DNAH8: variants seen among roughly 807,000 people sequenced by gnomAD.
DNAH8 encodes dynein axonemal heavy chain 8, also known as axonemal beta dynein heavy chain 8.
DNAH8 carries 382 observed loss-of-function variants against 562.1 expected under a neutral mutation model. The observed-to-expected ratio is 0.68, with a 90% CI of 0.63 to 0.74. The LOEUF (loss-of-function observed/expected upper bound fraction) is 0.74, where lower values mean the gene tolerates loss of function less well. DNAH8 is among the 30% of genes least tolerant of loss of function. The pLI is 0.00. For synonymous variants in DNAH8, 1,881 were observed against 1,919.4 expected (o/e 0.98, Z 0.52); for missense variants, 5,203 against 5,620.4 (o/e 0.93, Z 2.37).
rs1392017711 is a variant in DNAH8 at position 38,848,110 on chromosome 6, C to T, written c.5046-538C>T. Among the ~76,000 whole-genome samples the T allele has an allele frequency of 2.0e-5, 3 of 152,228 alleles. No individual in the cohort carries two copies. The East Asian group carries it at 5.8e-4, about 29-fold the overall frequency. ...CCAGGTGAACCTGGTGATACCTAAC[C>T]CTCTCCTGATCTTTAGGGATCTGAT... On this transcript the variant is annotated intron_variant, in intron 36 of 92. Coordinates refer to ENST00000327475, the MANE Select transcript of DNAH8 (RefSeq NM_001206927.2).
intron 88 of DNAH8, among the ~76,000 whole-genome samples, chr6:38,999,513 T>C (rs1317268318): frequency 6.6e-6 from 1 of 151,944 alleles, no homozygotes; most frequent in African/African-American, 2.4e-5. Flanking sequence ...TCTGCATTGA[T>C]AAAATAATAA....
intron 60 of DNAH8, among the ~76,000 whole-genome samples, chr6:38,896,604 AAC>A (rs1779710276): frequency 1.3e-5 from 2 of 151,724 alleles, no homozygotes; most frequent in South Asian, 2.1e-4. Context: ...CAAACAAACA[AAC>A]AAAAAAACAA....
Position 38,984,251 on chromosome 6 carries a change from T to TA in DNAH8, c.12998dup (p.Tyr4333Ter), listed in dbSNP as rs759977464. The TA allele has an allele frequency of 6.2e-7, 1 of 1,610,698 alleles. No individual in the cohort carries two copies. The highest frequency in any genetic ancestry group is 2.2e-5 in the East Asian group (1 of 44,842). Residue 4333 changes from tyrosine to a stop codon, truncating the protein, a stop_gained and frameshift_variant, in exon 87 of 93, where the codon TAT (tyrosine) becomes TAAT (stop). Transcript: ENST00000327475. LOFTEE classifies it high-confidence loss of function. ...TCGGTACATGATCGGAGAAGTACAA[T>TA]ATGGAGGCAGAGTGACAGATGACTT... ...TVRYMIGEVQ[Y>*]GGRVTDDFDK... is the part of the protein sequence containing the mutation.
At chr6:38,734,448 G>A (rs747923196) in intron 4 of DNAH8, 26 bp from the exon 5 acceptor site, 29 of 1,606,880 alleles carry the variant, frequency 1.8e-5, no homozygotes, top group East Asian at 9.1e-5. Context: ...GTGATTATAC[G>A]CTAAGTTCTT....
At chr6:38,982,013 C>T (rs1764070218) in intron 85 of DNAH8, among the ~76,000 whole-genome samples, 1 of 152,134 alleles carries the variant, frequency 6.6e-6, no homozygotes, top group Non-Finnish European at 1.5e-5. Flanking sequence ...GTTACAGTTG[C>T]CTGCAGTATT....
chr6:38,782,896 C>A, intron 16 of DNAH8, 108 bp from the exon 17 acceptor site: 1 of 1,034,810 alleles, frequency 9.7e-7, no homozygotes, highest in Non-Finnish European at 1.4e-6. Flanking sequence ...AGAATCTAAA[C>A]TGGTAGCATA....
At position 38,973,765 on chromosome 6, in the gene DNAH8, A is replaced by G. The variant is rs751348386; in HGVS notation, c.12630A>G (p.Val4210=). 5.0e-6 allele frequency: 8 copies of G among 1,611,382 alleles called. No individual in the cohort carries two copies. Among genetic ancestry groups the G allele is most frequent in the South Asian group, 2.2e-5 (2 of 90,530 alleles). The change falls in exon 84 of 93, where the codon GTA becomes GTG. Residue 4210 remains valine, a synonymous_variant. Transcript: ENST00000327475. ...AAGCCAGTGATGATTCTTTCCGAGTATGGATAACTACGGAGCCCCATGATC... is the reference window on the plus strand; with the variant it reads ...AAGCCAGTGATGATTCTTTCCGAGTGTGGATAACTACGGAGCCCCATGATC... The part of the protein sequence containing the change: ...TTEASDDSFR[V]WITTEPHDRF...
intron 8 of DNAH8, among the ~76,000 whole-genome samples, chr6:38,743,646 G>A (rs1764695545): frequency 6.6e-6 from 1 of 151,956 alleles, no homozygotes; most frequent in South Asian, 2.1e-4. Flanking sequence ...TTCGTTACTG[G>A]TTTCTTTCAC....
At chr6:38,849,676 T>C (rs1436544556) in intron 37 of DNAH8, among the ~76,000 whole-genome samples, 1 of 152,110 alleles carries the variant, frequency 6.6e-6, no homozygotes, top group Non-Finnish European at 1.5e-5. Flanking sequence ...GAAGTCTGTA[T>C]TTTTAAAAGA....
chr6:38,834,816 C>G (rs1388002776), intron 32 of DNAH8, among the ~76,000 whole-genome samples, 175 bp downstream of exon 32: 2 of 152,148 alleles, frequency 1.3e-5, no homozygotes, highest in East Asian at 1.9e-4. Context: ...CTCCATGCTC[C>G]TCTCCACAGA....
In DNAH8 at chr6:38,894,732, A is replaced by T. The variant is rs770831033; in HGVS notation, c.8615A>T (p.His2872Leu). 3 of 1,613,998 alleles carry T rather than the reference A, an allele frequency of 1.9e-6. No homozygotes were observed. Among genetic ancestry groups the T allele is most frequent in the Non-Finnish European group, 2.5e-6 (3 of 1,179,922 alleles). The change falls in exon 59 of 93, where the codon CAT (histidine) becomes CTT (leucine). Residue 2872 changes from histidine (H) to leucine (L), a missense_variant. His to Leu is a moderately conservative substitution (Grantham distance 99). This residue lies in a region of DNAH8 where 977 missense variants were observed against 1,061.8 expected (regional missense o/e 0.92). Coordinates refer to ENST00000327475, the MANE Select transcript of DNAH8 (RefSeq NM_001206927.2). The part of the protein sequence containing the change: ...VKMLPTPSKF[H>L]YIFNLRDLSR... ...ATGCTGCCAACTCCTTCTAAATTTC[A>T]TTACATCTTCAATCTTCGAGATCTT...
intron 13 of DNAH8, 73 bp from the exon 14 acceptor site, chr6:38,778,315 G>A (rs1768257763): frequency 2.6e-6 from 2 of 767,820 alleles, no homozygotes; most frequent in Non-Finnish European, 4.3e-6. Context: ...TGTAGGAAAA[G>A]CATTAACTGT....
rs141218388 is a variant in DNAH8, at chr6:38,734,602, A to G, written c.739A>G (p.Ile247Val). Residue 247 changes from isoleucine to valine, a missense_variant, in exon 5 of 93, where the codon ATA (isoleucine) becomes GTA (valine). By Grantham distance (29) the Ile-to-Val change is conservative. Transcript: ENST00000327475. ...TGTTCGTTGCCGTAATGATGTTGCTATAAATGTTAAAACTATTCAAGAGGT... is the reference window on the plus strand; with the variant it reads ...TGTTCGTTGCCGTAATGATGTTGCTGTAAATGTTAAAACTATTCAAGAGGT... ...FFVRCRNDVA[I>V]NVKTIQEEAL... The G allele has an allele frequency of 1.9e-6, 3 of 1,613,062 alleles. No homozygotes were observed. Among genetic ancestry groups the G allele is most frequent in the Admixed American group, 1.7e-5 (1 of 59,922 alleles).
At position 38,973,775 on chromosome 6, in the gene DNAH8, ACG is replaced by A; in HGVS notation, c.12641_12642del (p.Thr4214ArgfsTer4). 1 of 1,610,168 alleles carries A rather than the reference ACG, an allele frequency of 6.2e-7. No homozygotes were observed. Among genetic ancestry groups the A allele is most frequent in the South Asian group, 1.1e-5 (1 of 90,110 alleles). ...SDDSFRVWIT[T>X]EPHDRFPITL... Reference sequence around the variant, plus strand: ...TGATTCTTTCCGAGTATGGATAACTACGGAGCCCCATGATCGATTTCCAATTA... The same window carrying A: ...TGATTCTTTCCGAGTATGGATAACTAGAGCCCCATGATCGATTTCCAATTA... On this transcript the variant is annotated frameshift_variant, in exon 84 of 93. Coordinates refer to ENST00000327475, the MANE Select transcript of DNAH8 (RefSeq NM_001206927.2). LOFTEE classifies it high-confidence loss of function.
Position 38,865,064 on chromosome 6 carries a change from G to A in DNAH8, c.6498+1004G>A, listed in dbSNP as rs546708780. ...AGGGTGAGCTTTGAGATTCAGTGTT[G>A]TAAAGATAGGAAACCAAAGGCATGA... On this transcript the variant is annotated intron_variant, in intron 45 of 92. Transcript: ENST00000327475. Among the ~76,000 whole-genome samples the A allele has an allele frequency of 1.2e-3, 184 of 152,310 alleles. 1 individual carries two copies. The highest frequency in any genetic ancestry group is 4.1e-3 in the African/African-American group (172 of 41,578).
At chr6:38,954,897 G>C (rs545778447) in intron 82 of DNAH8, among the ~76,000 whole-genome samples, 141 of 152,262 alleles carry the variant, frequency 9.3e-4, no homozygotes, top group Non-Finnish European at 1.3e-3. Flanking sequence ...ATAATTTTCT[G>C]ATAAGTCCTT....
chr6:38,984,380 G>T (rs761404452), intron 87 of DNAH8, 73 bp downstream of exon 87: 12 of 936,404 alleles, frequency 1.3e-5, no homozygotes, highest in Non-Finnish European at 1.9e-5. Flanking sequence ...TTTGTAATAG[G>T]TCTGCCAAAC....
At chr6:38,895,791 G>C (rs1459574216) in intron 59 of DNAH8, among the ~76,000 whole-genome samples, 2 of 152,144 alleles carry the variant, frequency 1.3e-5, no homozygotes, top group South Asian at 4.1e-4. Flanking sequence ...CTCTCCTATC[G>C]CAAGTTTTAG....
chr6:38,929,787 C>T (rs1254157079), intron 75 of DNAH8, 121 bp downstream of exon 75: 2 of 917,414 alleles, frequency 2.2e-6, no homozygotes, highest in Non-Finnish European at 3.0e-6. Flanking sequence ...TCTTATTGAG[C>T]ATAGCAGCAA....
Sources: gnomAD v4.1 joint callset for allele counts (sites outside exome capture counted in the v4.1 genomes callset) on GRCh38, gnomAD v4.1.1 for gene constraint, gnomAD v4.1.1 regional missense constraint, MANE v1.5 for transcripts, NCBI Gene and HGNC (gene_info 2026-07-23, HGNC 2026-07-21) for gene names.